Variants in PLCB1 observed in about 807,000 individuals in gnomAD.
PLCB1 encodes 1-phosphatidylinositol 4,5-bisphosphate phosphodiesterase beta-1.
Under a neutral mutation model 161.8 loss-of-function variants are expected in PLCB1, and 46 were observed. That is an observed-to-expected ratio of 0.28 (90% CI 0.22 to 0.36). The LOEUF (loss-of-function observed/expected upper bound fraction) is 0.36, where lower values mean the gene tolerates loss of function less well. Among genes scored for constraint, PLCB1 ranks in the 10% least tolerant of loss-of-function variants. The probability of loss-of-function intolerance (pLI) is 1.00; values close to 1 mark genes in which losing one functional copy is unlikely to be tolerated. For missense variants in PLCB1, 1,016 were observed against 1,472.5 expected, an observed-to-expected ratio of 0.69 and a Z score of 5.07; for synonymous variants, 517 against 503.7, an observed-to-expected ratio of 1.03 and a Z score of -0.35.
At chr20:8,763,271 G>A (rs897801319) in intron 25 of PLCB1, among the ~76,000 whole-genome samples, 19 of 152,156 alleles carry the variant, frequency 1.2e-4, no homozygotes, top group Non-Finnish European at 2.4e-4. Flanking sequence ...ATGTGATCGC[G>A]GCTCATTGAA....
intron 3 of PLCB1, among the ~76,000 whole-genome samples, chr20:8,409,761 C>G (rs6086438): frequency 6.6e-6 from 1 of 152,190 alleles, no homozygotes; most frequent in South Asian, 2.1e-4. Flanking sequence ...CTGCACCCAG[C>G]TGGATTGTAT....
intron 9 of PLCB1, among the ~76,000 whole-genome samples, chr20:8,662,523 T>A (rs992544093): frequency 3.5e-5 from 5 of 143,374 alleles, no homozygotes; most frequent in African/African-American, 1.3e-4. Flanking sequence ...TATAATTTTT[T>A]ATAATTATGT....
chr20:8,686,871 A>C (rs1240848150), intron 10 of PLCB1, among the ~76,000 whole-genome samples: 1 of 152,138 alleles, frequency 6.6e-6, no homozygotes, highest in Non-Finnish European at 1.5e-5. Flanking sequence ...GTTCTTTTTG[A>C]TGGGAAAGAA....
chr20:8,300,946 C>T (rs924863227), intron 2 of PLCB1, among the ~76,000 whole-genome samples: 1 of 152,162 alleles, frequency 6.6e-6, no homozygotes, highest in African/African-American at 2.4e-5. Context: ...TACTACAAGG[C>T]CTCTGGTTTC....
At chr20:8,347,485 T>G (rs1006917616) in intron 2 of PLCB1, among the ~76,000 whole-genome samples, 4 of 152,164 alleles carry the variant, frequency 2.6e-5, no homozygotes, top group Admixed American at 2.6e-4. Flanking sequence ...CTAGGTGATA[T>G]GTCTAAAATA....
intron 9 of PLCB1, among the ~76,000 whole-genome samples, chr20:8,659,727 C>T (rs1244772497): frequency 1.3e-5 from 2 of 152,078 alleles, no homozygotes; most frequent in Admixed American, 6.6e-5. Context: ...CACTGTGGCT[C>T]ACGTCTGTAA....
intron 31 of PLCB1, among the ~76,000 whole-genome samples, chr20:8,851,569 T>C (rs1986885970): frequency 6.6e-6 from 1 of 152,152 alleles, no homozygotes; most frequent in South Asian, 2.1e-4. Flanking sequence ...CCTGGGACTT[T>C]TTGTTGATAA....
At chr20:8,633,540 G>T (rs947074873) in intron 4 of PLCB1, among the ~76,000 whole-genome samples, 5 of 152,106 alleles carry the variant, frequency 3.3e-5, no homozygotes, top group African/African-American at 1.2e-4. Flanking sequence ...TGTAGATAGA[G>T]ATGTCCAAGG....
intron 3 of PLCB1, among the ~76,000 whole-genome samples, chr20:8,403,848 A>G (rs1384810587): frequency 1.3e-5 from 2 of 152,222 alleles, no homozygotes; most frequent in South Asian, 2.1e-4. Flanking sequence ...CAGTATCTTC[A>G]GGAGACTAAC....
chr20:8,807,138 C>T (rs1322711607), intron 31 of PLCB1, among the ~76,000 whole-genome samples: 5 of 151,888 alleles, frequency 3.3e-5, no homozygotes, highest in Non-Finnish European at 1.5e-5. Flanking sequence ...CTTTTGAGTC[C>T]GTGAAGGATG....
intron 3 of PLCB1, among the ~76,000 whole-genome samples, chr20:8,414,154 T>A (rs2122521297): frequency 6.6e-6 from 1 of 151,930 alleles, no homozygotes; most frequent in South Asian, 2.1e-4. Context: ...AAAAAAAGAA[T>A]CTGTTTTTAA....
At chr20:8,660,909 T>A (rs930988825) in intron 9 of PLCB1, among the ~76,000 whole-genome samples, 2 of 152,166 alleles carry the variant, frequency 1.3e-5, no homozygotes, top group African/African-American at 4.8e-5. Flanking sequence ...GAGATCCACC[T>A]CACTAGTTTC....
At chr20:8,693,497 A>T (rs1359941898) in intron 10 of PLCB1, among the ~76,000 whole-genome samples, 1 of 152,194 alleles carries the variant, frequency 6.6e-6, no homozygotes, top group Non-Finnish European at 1.5e-5. Context: ...TAGCCATGAG[A>T]TTATATGCCC....
At chr20:8,214,935 C>T (rs1979037475) in intron 2 of PLCB1, among the ~76,000 whole-genome samples, 1 of 152,048 alleles carries the variant, frequency 6.6e-6, no homozygotes, top group South Asian at 2.1e-4. Flanking sequence ...AGACAAAAGT[C>T]CAAACTAAAT....
At chr20:8,863,416 C>G (rs1987322277) in intron 31 of PLCB1, among the ~76,000 whole-genome samples, 1 of 152,216 alleles carries the variant, frequency 6.6e-6, no homozygotes, top group African/African-American at 2.4e-5. Context: ...CACCTGCAAG[C>G]CTTCTTCAAG....
At chr20:8,615,242 C>T (rs6077389) in intron 3 of PLCB1, among the ~76,000 whole-genome samples, 1 of 151,986 alleles carries the variant, frequency 6.6e-6, no homozygotes, top group Admixed American at 6.6e-5. Context: ...TATATGTTGC[C>T]TTGAATGTAC....
intron 3 of PLCB1, among the ~76,000 whole-genome samples, chr20:8,615,228 G>A (rs947497405): frequency 6.6e-6 from 1 of 152,058 alleles, no homozygotes; most frequent in Non-Finnish European, 1.5e-5. Context: ...AATGATTTTT[G>A]TTATATATGT....
chr20:8,701,722 T>A (rs1450360961), intron 11 of PLCB1, among the ~76,000 whole-genome samples: 1 of 152,226 alleles, frequency 6.6e-6, no homozygotes, highest in Non-Finnish European at 1.5e-5. Context: ...ATATAGTAGA[T>A]GCTCAATAAA....
intron 2 of PLCB1, among the ~76,000 whole-genome samples, chr20:8,214,070 A>G (rs1034828358): frequency 6.6e-6 from 1 of 152,152 alleles, no homozygotes; most frequent in African/African-American, 2.4e-5. Context: ...CTAAAAAGCA[A>G]AAGCGAAACA....
Sources: gnomAD v4.1 joint callset for allele counts (sites outside exome capture counted in the v4.1 genomes callset) on GRCh38, gnomAD v4.1.1 for gene constraint, MANE v1.5 for transcripts, NCBI Gene and HGNC (gene_info 2026-07-23, HGNC 2026-07-21) for gene names.